NPAS3: variants seen among roughly 807,000 people sequenced by gnomAD.
NPAS3 encodes the protein neuronal PAS domain protein 3, also known as neuronal PAS domain-containing protein 3.
NPAS3 carries 14 observed loss-of-function variants against 73.1 expected under a neutral mutation model. The observed-to-expected ratio is 0.19, with a 90% confidence interval of 0.13 to 0.30. The LOEUF (loss-of-function observed/expected upper bound fraction) is 0.30, where lower values mean the gene tolerates loss of function less well. NPAS3 is among the 10% of genes least tolerant of loss of function. The probability of loss-of-function intolerance (pLI) is 1.00; values close to 1 mark genes in which losing one functional copy is unlikely to be tolerated. For synonymous variants in NPAS3, 620 were observed against 541.5 expected (o/e 1.14, Z -2.01); for missense variants, 1,096 against 1,250.0 (o/e 0.88, Z 1.86).
chr14:33,101,812 C>G (rs954461865), intron 2 of NPAS3, among the ~76,000 whole-genome samples: 6 of 152,152 alleles, frequency 3.9e-5, no homozygotes, highest in Non-Finnish European at 1.5e-5. Context: ...AGATCCAGCA[C>G]TCACCACGGC....
At chr14:33,768,242 C>T (rs1246386680) in intron 7 of NPAS3, among the ~76,000 whole-genome samples, 1 of 152,114 alleles carries the variant, frequency 6.6e-6, no homozygotes, top group African/African-American at 2.4e-5. Flanking sequence ...CATTTTTGTA[C>T]AGCTTTTTGT....
intron 3 of NPAS3, among the ~76,000 whole-genome samples, chr14:33,265,744 A>G (rs1372094898): frequency 6.6e-6 from 1 of 152,092 alleles, no homozygotes; most frequent in African/African-American, 2.4e-5. Context: ...TGTGACTACT[A>G]TATTCTGCTA....
At chr14:33,768,053 A>G (rs945228409) in intron 7 of NPAS3, among the ~76,000 whole-genome samples, 31 of 152,216 alleles carry the variant, frequency 2.0e-4, no homozygotes, top group Admixed American at 1.1e-3. Flanking sequence ...CTTGCAGCAG[A>G]GAAGAAAAAT....
chr14:33,338,167 A>G lies in NPAS3; in HGVS notation c.386-29019A>G, dbSNP rs536897684. Among the ~76,000 whole-genome samples, 4 of 152,286 alleles carry G rather than the reference A, an allele frequency of 2.6e-5. No individual in the cohort carries two copies. The East Asian group carries it at 7.7e-4, about 29-fold the overall frequency. The stretch of plus-strand genomic sequence containing the variant: ...ATAACTTTTGATGTAGCTTCAAGGC[A>G]AAAGGGGAATCACACCTGTTGTGTG... On this transcript the variant is annotated intron_variant, in intron 3 of 11. Transcript: ENST00000356141.
intron 3 of NPAS3, among the ~76,000 whole-genome samples, chr14:33,270,212 C>T (rs1448399330): frequency 2.0e-5 from 3 of 152,104 alleles, no homozygotes; most frequent in African/African-American, 7.2e-5. Context: ...GAAGACTTGG[C>T]TCCCAGAGAC....
At chr14:33,338,594 C>A (rs4982078) in intron 3 of NPAS3, among the ~76,000 whole-genome samples, 119,511 of 152,140 alleles carry the variant, frequency 0.79, 47,581 homozygotes, top group African/African-American at 0.92. Flanking sequence ...ACTTTTGGCA[C>A]ATCTCTTGAC....
At chr14:33,069,534 C>T (rs1450873894) in intron 2 of NPAS3, among the ~76,000 whole-genome samples, 1 of 152,122 alleles carries the variant, frequency 6.6e-6, no homozygotes, top group Non-Finnish European at 1.5e-5. Context: ...GTATTCAAAC[C>T]CTAGTTCCAT....
intron 1 of NPAS3, among the ~76,000 whole-genome samples, chr14:32,969,193 C>T (rs1253038616): frequency 6.6e-6 from 1 of 152,148 alleles, no homozygotes; most frequent in East Asian, 1.9e-4. Context: ...TGAGTGTCCT[C>T]AGAATGGCAG....
At chr14:33,708,844 G>A (rs138653401) in intron 6 of NPAS3, among the ~76,000 whole-genome samples, 1,857 of 152,296 alleles carry the variant, frequency 0.012, 23 homozygotes, top group Middle Eastern at 0.037. Flanking sequence ...GGGCACTGCT[G>A]TCCTGAGTGT....
intron 2 of NPAS3, among the ~76,000 whole-genome samples, chr14:33,167,807 T>C (rs953300517): frequency 6.6e-6 from 1 of 152,172 alleles, no homozygotes; most frequent in African/African-American, 2.4e-5. Context: ...ACATGGTTAT[T>C]CTAGAATATG....
At position 33,659,787 on chromosome 14, in the gene NPAS3, G is replaced by A. The variant is rs115430043; in HGVS notation, c.559-16424G>A. 8.2e-3 allele frequency among the ~76,000 whole-genome samples: 1,246 copies of A among 152,106 alleles called. 23 individuals carry two copies. The highest frequency in any genetic ancestry group is 0.029 in the African/African-American group (1,194 of 41,496). ...ATGACTCATTAGTGACTTGAAATTGGGATTCTGTTGCTTTGTTTTGTGTTG... is the reference window on the plus strand; with the variant it reads ...ATGACTCATTAGTGACTTGAAATTGAGATTCTGTTGCTTTGTTTTGTGTTG... On this transcript the variant is annotated intron_variant, in intron 5 of 11. Transcript: ENST00000356141.
chr14:33,377,538 G>A (rs1276785931), intron 4 of NPAS3, among the ~76,000 whole-genome samples: 1 of 152,230 alleles, frequency 6.6e-6, no homozygotes, highest in African/African-American at 2.4e-5. Context: ...TTCCATGTCA[G>A]GGTCAGAAGG....
intron 5 of NPAS3, among the ~76,000 whole-genome samples, chr14:33,628,540 G>A (rs575817083): frequency 1.3e-5 from 2 of 152,314 alleles, no homozygotes; most frequent in South Asian, 2.1e-4. Flanking sequence ...TGAATGATGT[G>A]TTAACACCTA....
intron 5 of NPAS3, among the ~76,000 whole-genome samples, chr14:33,575,069 C>T (rs1239591922): frequency 6.6e-6 from 1 of 152,210 alleles, no homozygotes; most frequent in African/African-American, 2.4e-5. Context: ...ATAATTCTAA[C>T]TCTTTTCTAC....
At chr14:33,215,272 G>T (rs1330478744) in exon 3 of NPAS3, 10 of 1,579,872 alleles carry the variant, frequency 6.3e-6, no homozygotes, top group African/African-American at 2.7e-5. Flanking sequence ...TGGCCAAGTT[G>T]TTGCCTCTTC....
intron 3 of NPAS3, among the ~76,000 whole-genome samples, chr14:33,253,162 G>A (rs181208596): frequency 2.0e-5 from 3 of 152,024 alleles, no homozygotes; most frequent in East Asian, 1.9e-4. Context: ...CGGGTCAAAC[G>A]GTAGTTCTGT....
chr14:33,264,845 G>A (rs2049112051), intron 3 of NPAS3, among the ~76,000 whole-genome samples: 1 of 152,088 alleles, frequency 6.6e-6, no homozygotes, highest in African/African-American at 2.4e-5. Context: ...TCCTCACTTG[G>A]AGAGTTCCTC....
chr14:33,171,479 T>C (rs2045386584), intron 2 of NPAS3, among the ~76,000 whole-genome samples: 1 of 152,210 alleles, frequency 6.6e-6, no homozygotes, highest in Admixed American at 6.5e-5. Flanking sequence ...ACTTTTATGT[T>C]ATGGCATCTT....
chr14:33,666,687 C>G (rs1595393256), intron 5 of NPAS3, among the ~76,000 whole-genome samples: 1 of 152,054 alleles, frequency 6.6e-6, no homozygotes, highest in African/African-American at 2.4e-5. Context: ...TTTTTCTTCT[C>G]TCTCCAAAGT....
Sources: allele counts gnomAD v4.1 joint callset (sites outside exome capture counted in the v4.1 genomes callset), GRCh38; gene constraint gnomAD v4.1.1; transcripts MANE v1.5; gene names NCBI Gene and HGNC (gene_info 2026-07-23, HGNC 2026-07-21).